Variants in STAB1 observed in about 807,000 individuals in gnomAD.
The protein encoded by STAB1 is stabilin 1.
STAB1 carries 250 observed loss-of-function variants against 332.4 expected under a neutral mutation model. That is an observed-to-expected ratio of 0.75 (90% CI 0.68 to 0.84). STAB1 has a LOEUF of 0.84. Among genes scored for constraint, STAB1 ranks in the 40% least tolerant of loss-of-function variants. The pLI is 0.00. For synonymous variants in STAB1, 1,475 were observed against 1,390.4 expected, an observed-to-expected ratio of 1.06 and a Z score of -1.35; for missense variants, 3,249 against 3,489.7, an observed-to-expected ratio of 0.93 and a Z score of 1.74.
At position 52,513,769 on chromosome 3, in the gene STAB1, A is replaced by G. The variant is rs201643940; in HGVS notation, c.3323A>G (p.Asn1108Ser). 2 of 1,613,384 alleles carry G rather than the reference A, an allele frequency of 1.2e-6. No individual in the cohort carries two copies. The highest frequency in any genetic ancestry group is 1.3e-5 in the African/African-American group (1 of 75,048). The change falls in exon 31 of 69, where the codon AAC (asparagine) becomes AGC (serine). Residue 1108 changes from asparagine (N) to serine (S), a missense_variant. Physicochemically the swap from Asn to Ser is conservative, Grantham distance 46. Transcript: ENST00000321725. ...SVDVADLLAT[N>S]GVLHILSQVL... ...GATGTGGCTGACCTCCTTGCCACCA[A>G]CGGTGTCCTACACATCCTCAGCCAG...
In STAB1 at chr3:52,504,038, A is replaced by T; in HGVS notation, c.1033A>T (p.Arg345Trp). 1 of 1,598,694 alleles carries T rather than the reference A, an allele frequency of 6.3e-7. No individual in the cohort carries two copies. Among genetic ancestry groups the T allele is most frequent in the Non-Finnish European group, 8.5e-7 (1 of 1,172,886 alleles). Reference protein sequence around the residue: ...TADGKTSCVCRESEVGDGRAC... With the variant: ...TADGKTSCVCWESEVGDGRAC... Reference sequence around the variant, plus strand: ...TCCCTGGGAGCCCAGCTGTGTGTGCAGGGAAAGCGAGGTGGGGGATGGGCG... The same window carrying T: ...TCCCTGGGAGCCCAGCTGTGTGTGCTGGGAAAGCGAGGTGGGGGATGGGCG... Residue 345 changes from arginine to tryptophan, a missense_variant, in exon 10 of 69, where the codon AGG (arginine) becomes TGG (tryptophan). By Grantham distance (101) the Arg-to-Trp change is moderately radical (BLOSUM62 -3). Coordinates refer to ENST00000321725, the MANE Select transcript of STAB1 (RefSeq NM_015136.3).
chr3:52,507,467 C>A, intron 18 of STAB1, 146 bp from the exon 19 acceptor site: 1 of 849,622 alleles, frequency 1.2e-6, no homozygotes, highest in Non-Finnish European at 1.8e-6. Context: ...TGCCCCTGCT[C>A]TCCTCTGCCT....
intron 17 of STAB1, 124 bp from the exon 18 acceptor site, chr3:52,506,568 G>C (rs528116802): frequency 2.7e-6 from 3 of 1,100,294 alleles, no homozygotes; most frequent in Non-Finnish European, 3.8e-6. Context: ...TATGGCCAGC[G>C]GGGCCTTCAG....
At chr3:52,523,807 G>A in intron 66 of STAB1, 51 bp downstream of exon 66, 1 of 1,585,108 alleles carries the variant, frequency 6.3e-7, no homozygotes. Context: ...CCCACAACCT[G>A]TGAGCCCGGG....
Position 52,524,412 on chromosome 3 carries a change from T to C in STAB1, c.*56T>C. ...CAGGGAGGAGACCACTTTTATTGCT[T>C]GTCTGGGTGGATGGGGCAGGAGGGG... is the stretch of plus-strand genomic sequence containing the variant. On this transcript the variant is annotated 3_prime_UTR_variant, in exon 69 of 69. Coordinates refer to ENST00000321725, the MANE Select transcript of STAB1 (RefSeq NM_015136.3). 6.2e-7 allele frequency: 1 copy of C among 1,612,184 alleles called. No homozygotes were observed. The highest frequency in any genetic ancestry group is 1.7e-4 in the Middle Eastern group (1 of 6,060).
In STAB1 at chr3:52,522,403, C is replaced by T; in HGVS notation, c.6539C>T (p.Pro2180Leu). The change falls in exon 60 of 69, where the codon CCT (proline) becomes CTT (leucine). Residue 2180 changes from proline to leucine, a missense_variant. Pro to Leu is a moderately conservative substitution (Grantham distance 98, BLOSUM62 -3). Coordinates refer to ENST00000321725, the MANE Select transcript of STAB1 (RefSeq NM_015136.3). Reference protein sequence around the residue: ...GLQCLEESEPPVDRCLGQPPP... With the variant: ...GLQCLEESEPLVDRCLGQPPP... Reference sequence around the variant, plus strand: ...CAGTGTCTGGAGGAGTCGGAACCACCTGTGGACCGCTGCTTGGGCCAGCCA... The same window carrying T: ...CAGTGTCTGGAGGAGTCGGAACCACTTGTGGACCGCTGCTTGGGCCAGCCA... The T allele has an allele frequency of 6.2e-7, 1 of 1,613,020 alleles. No individual in the cohort carries two copies. The highest frequency in any genetic ancestry group is 1.1e-5 in the South Asian group (1 of 91,086).
At chr3:52,519,902 TGACTGGGCAGC>T in intron 50 of STAB1, 31 bp from the exon 51 acceptor site, 1 of 1,533,624 alleles carries the variant, frequency 6.5e-7, no homozygotes. Context: ...AACTAGTCTC[TGACTGGGCAGC>T]GACTGCCACA....
Position 52,516,601 on chromosome 3 carries a change from G to C in STAB1, c.4286+14G>C. On this transcript the variant is annotated intron_variant, in intron 40 of 68. Coordinates refer to ENST00000321725, the MANE Select transcript of STAB1 (RefSeq NM_015136.3). ...CCCCAATGCCAAGTGAGTGGGCCCAGCCTGGGGCGGGTGGGTGAGTGGCGG... is the reference window on the plus strand; with the variant it reads ...CCCCAATGCCAAGTGAGTGGGCCCACCCTGGGGCGGGTGGGTGAGTGGCGG... 6.2e-7 allele frequency: 1 copy of C among 1,612,856 alleles called. No homozygotes were observed. Among genetic ancestry groups the C allele is most frequent in the Non-Finnish European group, 8.5e-7 (1 of 1,180,004 alleles).
At chr3:52,517,760 A>G in intron 44 of STAB1, 121 bp from the exon 45 acceptor site, 1 of 1,572,554 alleles carries the variant, frequency 6.4e-7, no homozygotes, top group South Asian at 1.1e-5. Flanking sequence ...CTCGAGTTTA[A>G]TCAGTAGCAA....
chr3:52,502,966 T>TGGGCTC (rs1199860280), intron 6 of STAB1, 33 bp from the exon 7 acceptor site: 1 of 1,501,612 alleles, frequency 6.7e-7, no homozygotes, highest in South Asian at 1.3e-5. Context: ...AGCCTGGGCT[T>TGGGCTC]GGGCTCATCA....
At chr3:52,513,355 C>A in intron 30 of STAB1, 114 bp downstream of exon 30, 1 of 1,012,752 alleles carries the variant, frequency 9.9e-7, no homozygotes, top group Non-Finnish European at 1.4e-6. Flanking sequence ...GGGGTCCCCT[C>A]GCCCTGCCCA....
At position 52,521,369 on chromosome 3, in the gene STAB1, G is replaced by A. The variant is rs1375015692; in HGVS notation, c.5917G>A (p.Gly1973Ser). 6 of 1,613,788 alleles carry A rather than the reference G, an allele frequency of 3.7e-6. No individual in the cohort carries two copies. Among genetic ancestry groups the A allele is most frequent in the Non-Finnish European group, 5.1e-6 (6 of 1,179,998 alleles). ...TCCTACCCCATCCCCAGCTTGCCCT[G>A]GCGGCCCCAGCAGCCCTTGTAGTGA... ...HYGSECQACP[G>S]GPSSPCSDRG... The change falls in exon 56 of 69, where the codon GGC (glycine) becomes AGC (serine). Residue 1973 changes from glycine (G) to serine (S), a missense_variant. Coordinates refer to ENST00000321725, the MANE Select transcript of STAB1 (RefSeq NM_015136.3).
rs778761798 is a variant in STAB1, at chr3:52,509,272, C to T, written c.2298C>T (p.Ala766=). 5 of 1,613,702 alleles carry T rather than the reference C, an allele frequency of 3.1e-6. No homozygotes were observed. In the South Asian group the frequency reaches 5.5e-5, roughly 18 times the overall value. ...GCTTCCCAGACTACAAGGGCATCGC[C>T]TGCCACATCTGCTCGAACCCAAACA... is the stretch of plus-strand genomic sequence containing the variant. ...CLCFPDYKGI[A]CHICSNPNKH... The change falls in exon 22 of 69, where the codon GCC becomes GCT. Residue 766 remains alanine (A), a synonymous_variant. Transcript: ENST00000321725.
chr3:52,509,306 G>C lies in STAB1; in HGVS notation c.2332G>C (p.Glu778Gln). ...HICSNPNKHG[E>Q]QCQEDCGCVH... ...CTGCTCGAACCCAAACAAGCATGGA[G>C]AGCAATGCCAGGAAGGTGGGTGGTC... Residue 778 changes from glutamate to glutamine, a missense_variant, in exon 22 of 69, where the codon GAG (glutamate) becomes CAG (glutamine). Coordinates refer to ENST00000321725, the MANE Select transcript of STAB1 (RefSeq NM_015136.3). 6.2e-7 allele frequency: 1 copy of C among 1,613,390 alleles called. No individual in the cohort carries two copies. Among genetic ancestry groups the C allele is most frequent in the Non-Finnish European group, 8.5e-7 (1 of 1,179,948 alleles).
At chr3:52,513,618 T>C in intron 30 of STAB1, 99 bp from the exon 31 acceptor site, 1 of 1,248,284 alleles carries the variant, frequency 8.0e-7, no homozygotes, top group Non-Finnish European at 1.1e-6. Flanking sequence ...GGACCACCTG[T>C]GGGTGCCTGT....
intron 55 of STAB1, 138 bp from the exon 56 acceptor site, chr3:52,521,223 A>G (rs1198911182): frequency 1.5e-6 from 2 of 1,309,886 alleles, no homozygotes; most frequent in African/African-American, 2.9e-5. Context: ...GATGTTCTCC[A>G]GGACATGGGC....
intron 26 of STAB1, 141 bp downstream of exon 26, chr3:52,511,886 A>G: frequency 1.4e-6 from 1 of 697,856 alleles, no homozygotes; most frequent in South Asian, 2.1e-5. Context: ...AAATCCAACC[A>G]TGTCACTCCT....
intron 44 of STAB1, 107 bp downstream of exon 44, chr3:52,517,731 G>C: frequency 6.5e-7 from 1 of 1,549,946 alleles, no homozygotes; most frequent in Non-Finnish European, 8.8e-7. Flanking sequence ...TCTGCAGGGT[G>C]GGCTATCCTC....
Position 52,519,808 on chromosome 3 carries a change from C to T in STAB1, c.5236-136C>T, listed in dbSNP as rs575835251. The T allele has an allele frequency of 2.1e-5, 26 of 1,243,596 alleles. 1 individual carries two copies. In the South Asian group the frequency reaches 3.8e-4, roughly 18 times the overall value. 77.0% of individuals were successfully genotyped at this position (1,243,596 alleles called of 1,614,324 possible). The stretch of plus-strand genomic sequence containing the variant: ...TGCACAGTTGAGATGTGTGCACACA[C>T]ATGCCTGCCTGGGATGGTCACAGAT... On this transcript the variant is annotated intron_variant, in intron 50 of 68. Transcript: ENST00000321725.
Sources: gnomAD v4.1 joint callset for allele counts on GRCh38, gnomAD v4.1.1 for gene constraint, MANE v1.5 for transcripts, NCBI Gene and HGNC (gene_info 2026-07-23, HGNC 2026-07-21) for gene names.